The following DENND4C variants were observed in gnomAD, a reference collection of about 807,000 sequenced individuals.
DENND4C encodes DENN domain-containing protein 4C.
A neutral mutation model predicts 203.0 loss-of-function variants in DENND4C; 108 were observed. The observed-to-expected ratio is 0.53, with a 90% confidence interval of 0.46 to 0.62. The LOEUF is 0.62. Among genes scored for constraint, DENND4C ranks in the 20% least tolerant of loss-of-function variants. DENND4C has a pLI of 0.00. For missense variants in DENND4C, 2,481 were observed against 2,301.2 expected (o/e 1.08, Z -1.60); for synonymous variants, 871 against 792.4 (o/e 1.10, Z -1.67).
In DENND4C at chr9:19,357,047, G is replaced by A. The variant is rs1825589649; in HGVS notation, c.4857G>A (p.Glu1619=). Reference sequence around the variant, plus strand: ...TTCCATTGGCAAATGAATCCTTGGAGCACAAACCTGTATCCAGTTTAGCAG... The same window carrying A: ...TTCCATTGGCAAATGAATCCTTGGAACACAAACCTGTATCCAGTTTAGCAG... ...GSIPLANESL[E]HKPVSSLAEP... Residue 1619 remains glutamate (E), a synonymous_variant, in exon 27 of 33, where the codon GAG becomes GAA. Coordinates refer to ENST00000434457, the MANE Select transcript of DENND4C (RefSeq NM_001330640.2). The A allele has an allele frequency of 1.9e-6, 3 of 1,613,822 alleles. No homozygotes were observed. Among genetic ancestry groups the A allele is most frequent in the African/African-American group, 1.3e-5 (1 of 74,894 alleles).
At chr9:19,270,167 C>A (rs1831340258) in intron 1 of DENND4C, among the ~76,000 whole-genome samples, 1 of 152,160 alleles carries the variant, frequency 6.6e-6, no homozygotes. Context: ...AGGAGTGACA[C>A]AAGCACCCCT....
At chr9:19,357,648 C>A (rs551953951) in intron 27 of DENND4C, 2 of 244,300 alleles carry the variant, frequency 8.2e-6, no homozygotes, top group African/African-American at 4.5e-5. Context: ...TAGCATACTT[C>A]TAGGTAATTT....
intron 26 of DENND4C, among the ~76,000 whole-genome samples, chr9:19,356,654 C>T (rs1311491486): frequency 6.6e-6 from 1 of 151,118 alleles, no homozygotes; most frequent in African/African-American, 2.4e-5. Context: ...TTTGCTTTCC[C>T]TCTTCCCTCA....
rs562229376 is a variant in DENND4C at position 19,299,819 on chromosome 9, C to T, written c.1167-368C>T. Among the ~76,000 whole-genome samples the T allele has an allele frequency of 1.1e-4, 16 of 152,276 alleles. No homozygotes were observed. In the South Asian group the frequency reaches 3.3e-3, roughly 32 times the overall value. ...ATCTGTTGCTGTTTTCACCCTTTCC[C>T]TTACTATGCTTTAGTCACAATAGAT... On this transcript the variant is annotated intron_variant, in intron 8 of 32. Coordinates refer to ENST00000434457, the MANE Select transcript of DENND4C (RefSeq NM_001330640.2).
At chr9:19,352,296 A>T in intron 25 of DENND4C, 114 bp downstream of exon 25, 1 of 1,097,182 alleles carries the variant, frequency 9.1e-7, no homozygotes. Flanking sequence ...AAAATAAGTC[A>T]TTTTGTTGAA....
intron 31 of DENND4C, 95 bp from the exon 32 acceptor site, chr9:19,371,661 A>G (rs1828854315): frequency 1.4e-5 from 9 of 658,568 alleles, no homozygotes; most frequent in South Asian, 1.4e-4. Flanking sequence ...ACTATTAACT[A>G]GATGACAGAA....
chr9:19,334,968 T>C lies in DENND4C; in HGVS notation c.2461-9T>C. The stretch of plus-strand genomic sequence containing the variant: ...CTAATTACTGACACTGATTTTTTTT[T>C]TTTGTTAGGTGTGCTATCGAGTAGT... On this transcript the variant is annotated splice_polypyrimidine_tract_variant and intron_variant, in intron 17 of 32. Coordinates refer to ENST00000434457, the MANE Select transcript of DENND4C (RefSeq NM_001330640.2). 1 of 1,580,408 alleles carries C rather than the reference T, an allele frequency of 6.3e-7. No individual in the cohort carries two copies. The highest frequency in any genetic ancestry group is 2.0e-5 in the Admixed American group (1 of 50,632).
intron 1 of DENND4C, among the ~76,000 whole-genome samples, chr9:19,263,578 T>C (rs1829860750): frequency 6.6e-6 from 1 of 152,048 alleles, no homozygotes; most frequent in Non-Finnish European, 1.5e-5. Flanking sequence ...AAGCTGGTCT[T>C]GAATTAGGTT....
chr9:19,338,044 A>G (rs73418004), intron 20 of DENND4C, among the ~76,000 whole-genome samples: 2,368 of 152,286 alleles, frequency 0.016, 57 homozygotes, highest in African/African-American at 0.054. Context: ...GCTAAAAACA[A>G]CCTTCACATA....
In DENND4C at chr9:19,323,058, A is replaced by G. The variant is rs533225395; in HGVS notation, c.1808-1304A>G. On this transcript the variant is annotated intron_variant, in intron 12 of 32. Transcript: ENST00000434457. ...GATGGCTCATGCCTGTAATTCTAGC[A>G]CTTTGGGAGGCTGAGATGGGAGGAT... 2.6e-5 allele frequency among the ~76,000 whole-genome samples: 4 copies of G among 152,146 alleles called. No homozygotes were observed. In the East Asian group the frequency reaches 7.8e-4, roughly 29 times the overall value.
At chr9:19,337,544 C>A in intron 20 of DENND4C, 1 of 1,013,110 alleles carries the variant, frequency 9.9e-7, no homozygotes. Flanking sequence ...TTGCTTTTTG[C>A]TCTGTGCTGT....
At chr9:19,350,926 T>G in intron 24 of DENND4C, 47 bp downstream of exon 24, 1 of 1,535,604 alleles carries the variant, frequency 6.5e-7, no homozygotes, top group Non-Finnish European at 8.8e-7. Flanking sequence ...TAATAGTTTT[T>G]GCTTTTTTTT....
chr9:19,328,693 A>ATCTATCTG (rs1554636649), intron 16 of DENND4C, among the ~76,000 whole-genome samples: 3 of 150,746 alleles, frequency 2.0e-5, no homozygotes, highest in South Asian at 2.1e-4. Flanking sequence ...CTATCTATCT[A>ATCTATCTG]TCTGTCTATC....
At chr9:19,370,099 A>T (rs769663612) in intron 31 of DENND4C, 112 bp downstream of exon 31, 2 of 1,265,058 alleles carry the variant, frequency 1.6e-6, no homozygotes, top group Non-Finnish European at 1.1e-6. Flanking sequence ...ACTCATTGCA[A>T]AACATCTATT....
At chr9:19,331,368 A>C (rs1316511512) in intron 16 of DENND4C, among the ~76,000 whole-genome samples, 1 of 151,858 alleles carries the variant, frequency 6.6e-6, no homozygotes, top group South Asian at 2.1e-4. Context: ...ATGCGCGGCT[A>C]ATTTTTGTAT....
intron 10 of DENND4C, among the ~76,000 whole-genome samples, chr9:19,309,258 A>G (rs1051023343): frequency 2.6e-5 from 4 of 152,140 alleles, no homozygotes; most frequent in Non-Finnish European, 5.9e-5. Context: ...CCCCATCTCT[A>G]CTAACAAAAC....
At chr9:19,304,284 A>G (rs1839205511) in intron 9 of DENND4C, among the ~76,000 whole-genome samples, 1 of 150,586 alleles carries the variant, frequency 6.6e-6, no homozygotes, top group African/African-American at 2.4e-5. Context: ...TCCCGGGTTC[A>G]AGCGATTCTC....
At chr9:19,313,914 C>T (rs1043948268) in intron 10 of DENND4C, among the ~76,000 whole-genome samples, 5 of 152,126 alleles carry the variant, frequency 3.3e-5, no homozygotes, top group African/African-American at 4.8e-5. Flanking sequence ...GGACACAAGG[C>T]ATAAGAATGA....
rs573453711 is a variant in DENND4C at position 19,310,539 on chromosome 9, A to G, written c.1487+5012A>G. On this transcript the variant is annotated intron_variant, in intron 10 of 32. Transcript: ENST00000434457. ...ATGGTCCTTAAAGCCTAAAATATTTACTGTCTGGTTCTTTCAGTAAAAATT... is the reference window on the plus strand; with the variant it reads ...ATGGTCCTTAAAGCCTAAAATATTTGCTGTCTGGTTCTTTCAGTAAAAATT... Among the ~76,000 whole-genome samples the G allele has an allele frequency of 3.9e-5, 6 of 152,332 alleles. No homozygotes were observed. The South Asian group carries it at 1.0e-3, about 26-fold the overall frequency.
Sources: gnomAD v4.1 joint callset for allele counts (sites outside exome capture counted in the v4.1 genomes callset) on GRCh38, gnomAD v4.1.1 for gene constraint, MANE v1.5 for transcripts, NCBI Gene and HGNC (gene_info 2026-07-23, HGNC 2026-07-21) for gene names.